Variants in PAM observed in about 807,000 individuals in gnomAD.
PAM encodes the protein peptidyl-glycine alpha-amidating monooxygenase.
In PAM, 72 loss-of-function variants were observed where a neutral mutation model predicts 122.1. That is an observed-to-expected ratio of 0.59 (90% CI 0.49 to 0.72). The LOEUF is 0.72. Among genes scored for constraint, PAM ranks in the 30% least tolerant of loss-of-function variants. The pLI is 0.00. For synonymous variants in PAM, 389 were observed against 404.4 expected (o/e 0.96, Z 0.46); for missense variants, 1,106 against 1,183.7 (o/e 0.93, Z 0.96).
At chr5:103,015,605 G>A (rs1025480845) in intron 21 of PAM, among the ~76,000 whole-genome samples, 1 of 152,138 alleles carries the variant, frequency 6.6e-6, no homozygotes, top group East Asian at 1.9e-4. Flanking sequence ...TTACAACTGA[G>A]TTCTTCTGAC....
At chr5:102,945,646 T>G (rs1197618743) in intron 7 of PAM, among the ~76,000 whole-genome samples, 7 of 152,032 alleles carry the variant, frequency 4.6e-5, no homozygotes, top group Non-Finnish European at 1.0e-4. Context: ...GCCTATCTAT[T>G]CTTCTCCCCC....
chr5:102,794,379 A>T (rs928985619), intron 1 of PAM, among the ~76,000 whole-genome samples: 9 of 152,252 alleles, frequency 5.9e-5, no homozygotes, highest in Admixed American at 6.5e-5. Flanking sequence ...GGAAGGAATT[A>T]TTAAAGCCAA....
intron 1 of PAM, among the ~76,000 whole-genome samples, chr5:102,843,237 A>G (rs1289596299): frequency 6.6e-6 from 1 of 152,250 alleles, no homozygotes; most frequent in Non-Finnish European, 1.5e-5. Flanking sequence ...TATTTAGTGT[A>G]ATGAATCTCT....
At chr5:102,759,008 TA>T (rs1394378003) in intron 1 of PAM, among the ~76,000 whole-genome samples, 1 of 152,252 alleles carries the variant, frequency 6.6e-6, no homozygotes, top group African/African-American at 2.4e-5. Context: ...GGCTTTTTCC[TA>T]GGCACTGACA....
At chr5:102,783,485 A>G (rs1759603394) in intron 1 of PAM, among the ~76,000 whole-genome samples, 1 of 152,202 alleles carries the variant, frequency 6.6e-6, no homozygotes, top group Non-Finnish European at 1.5e-5. Flanking sequence ...ATTTGGAATC[A>G]TCCCTTTATT....
intron 3 of PAM, among the ~76,000 whole-genome samples, chr5:102,883,083 G>C (rs1341224977): frequency 6.6e-6 from 1 of 151,782 alleles, no homozygotes; most frequent in Non-Finnish European, 1.5e-5. Flanking sequence ...CTATGTGCTT[G>C]TGTTTATAGT....
At chr5:102,780,793 TTCTTTCTTTC>T (rs1347355687) in intron 1 of PAM, among the ~76,000 whole-genome samples, 4 of 143,848 alleles carry the variant, frequency 2.8e-5, no homozygotes, top group Non-Finnish European at 6.1e-5. Context: ...CTTTCTTTCT[TTCTTTCTTTC>T]TTTCTTTCTT....
At position 102,791,715 on chromosome 5, in the gene PAM, T is replaced by C. The variant is rs574906151; in HGVS notation, c.-374+36367T>C. Among the ~76,000 whole-genome samples, 4 of 152,270 alleles carry C rather than the reference T, an allele frequency of 2.6e-5. No individual in the cohort carries two copies. The South Asian group carries it at 8.3e-4, about 32-fold the overall frequency. ...GCTAACTTTATTTGGGGTTTGTTTC[T>C]GAATGCAAGATAGGCATACTGTAGT... is the stretch of plus-strand genomic sequence containing the variant. On this transcript the variant is annotated intron_variant, in intron 1 of 25. Coordinates refer to ENST00000438793, the MANE Select transcript of PAM (RefSeq NM_001177306.2).
At chr5:102,965,353 G>T (rs1763778211) in intron 14 of PAM, among the ~76,000 whole-genome samples, 1 of 151,318 alleles carries the variant, frequency 6.6e-6, no homozygotes, top group African/African-American at 2.4e-5. Context: ...AAGAATATGG[G>T]CTTGAAACTA....
At chr5:102,839,492 T>G (rs13173707) in intron 1 of PAM, among the ~76,000 whole-genome samples, 11,555 of 148,086 alleles carry the variant, frequency 0.078, 759 homozygotes, top group African/African-American at 0.17. Flanking sequence ...AGCCAAGATC[T>G]CTTCACTGTA....
chr5:102,800,604 C>G (rs1355600118), intron 1 of PAM, among the ~76,000 whole-genome samples: 2 of 152,174 alleles, frequency 1.3e-5, no homozygotes, highest in African/African-American at 4.8e-5. Flanking sequence ...AGGTCCCATG[C>G]TGTGCTCTAA....
At chr5:102,755,470 G>A (rs1749841704) in intron 1 of PAM, 122 bp downstream of exon 1, 1 of 144,866 alleles carries the variant, frequency 6.9e-6, no homozygotes, top group Admixed American at 7.0e-5. Flanking sequence ...GCCCCAGGAG[G>A]TTGTTGCTTT....
intron 23 of PAM, among the ~76,000 whole-genome samples, chr5:103,024,655 T>A (rs1334902759): frequency 1.3e-5 from 2 of 152,046 alleles, no homozygotes; most frequent in African/African-American, 4.8e-5. Context: ...CACCCAACAG[T>A]TTTATGAAGG....
intron 1 of PAM, among the ~76,000 whole-genome samples, chr5:102,820,913 C>G (rs1309006810): frequency 1.3e-5 from 2 of 152,108 alleles, no homozygotes; most frequent in African/African-American, 4.8e-5. Context: ...TGTGGAAACC[C>G]ACTTACAAGA....
chr5:102,898,439 C>G (rs557398689), intron 3 of PAM, among the ~76,000 whole-genome samples: 90 of 151,652 alleles, frequency 5.9e-4, no homozygotes, highest in African/African-American at 2.0e-3. Flanking sequence ...AGCATCCTTA[C>G]TAGGACAGTG....
intron 1 of PAM, among the ~76,000 whole-genome samples, chr5:102,758,093 T>C (rs1474955376): frequency 9.4e-5 from 10 of 105,900 alleles, no homozygotes; most frequent in East Asian, 5.5e-4. Flanking sequence ...TTTTTTTTTT[T>C]TTTTTTTTTT....
Position 102,990,388 on chromosome 5 carries a change from G to A in PAM, c.1600G>A (p.Val534Ile), listed in dbSNP as rs771021023. Residue 534 changes from valine to isoleucine, a missense_variant, in exon 16 of 26, where the codon GTC becomes ATC. By Grantham distance (29) the Val-to-Ile change is conservative. Coordinates refer to ENST00000438793, the MANE Select transcript of PAM (RefSeq NM_001177306.2). ...GGTGATTTTCCACAGAGGTGACCAT[G>A]TCTGGGATGGAAAGTAAGTAATATT... is the stretch of plus-strand genomic sequence containing the variant. ...NLVIFHRGDH[V>I]WDGNSFDSKF... The A allele has an allele frequency of 2.5e-6, 4 of 1,595,502 alleles. No homozygotes were observed. The highest frequency in any genetic ancestry group is 3.4e-6 in the Non-Finnish European group (4 of 1,169,898).
chr5:102,971,217 T>G (rs1315620768), intron 14 of PAM, among the ~76,000 whole-genome samples: 1 of 152,232 alleles, frequency 6.6e-6, no homozygotes, highest in Non-Finnish European at 1.5e-5. Context: ...ATGTTGCAAT[T>G]AGTTTGTTTT....
chr5:103,022,709 T>G (rs1783928732), intron 23 of PAM, among the ~76,000 whole-genome samples: 1 of 152,112 alleles, frequency 6.6e-6, no homozygotes, highest in African/African-American at 2.4e-5. Context: ...AACCTAGTGT[T>G]CTGGCTAATC....
Sources: allele counts gnomAD v4.1 joint callset (sites outside exome capture counted in the v4.1 genomes callset), GRCh38; gene constraint gnomAD v4.1.1; transcripts MANE v1.5; gene names NCBI Gene and HGNC (gene_info 2026-07-23, HGNC 2026-07-21).